Variants in CCDC88A observed in about 807,000 individuals in gnomAD.
CCDC88A encodes the protein girdin.
A neutral mutation model predicts 234.3 loss-of-function variants in CCDC88A; 54 were observed. That is an observed-to-expected ratio of 0.23 (90% CI 0.19 to 0.29). CCDC88A has a LOEUF of 0.29. CCDC88A is among the 10% of genes least tolerant of loss of function. The pLI, the probability that CCDC88A is intolerant of heterozygous loss-of-function variation, is 1.00. For synonymous variants in CCDC88A, 753 were observed against 737.8 expected, an observed-to-expected ratio of 1.02 and a Z score of -0.33; for missense variants, 1,832 against 2,123.4, an observed-to-expected ratio of 0.86 and a Z score of 2.70.
At chr2:55,393,155 C>A (rs1194749387) in intron 2 of CCDC88A, among the ~76,000 whole-genome samples, 1 of 151,672 alleles carries the variant, frequency 6.6e-6, no homozygotes, top group Non-Finnish European at 1.5e-5. Flanking sequence ...AGAACTCTTA[C>A]ATATTTAAGT....
At position 55,289,995 on chromosome 2, in the gene CCDC88A, T is replaced by C. The variant is rs1679334096; in HGVS notation, c.*1205A>G. The C allele has an allele frequency of 6.6e-6, 1 of 152,612 alleles. No individual in the cohort carries two copies. Among genetic ancestry groups the C allele is most frequent in the South Asian group, 2.1e-4 (1 of 4,836 alleles). 9.5% of individuals were successfully genotyped at this position (152,612 alleles called of 1,614,324 possible). ...AGATTACTCTGATATTGATGTTAAA[T>C]AATGAATTTGCATTAATGAGTATCA... On this transcript the variant is annotated 3_prime_UTR_variant, in exon 33 of 33. Transcript: ENST00000436346.
At chr2:55,402,148 T>C (rs1270414794) in intron 2 of CCDC88A, among the ~76,000 whole-genome samples, 1 of 152,010 alleles carries the variant, frequency 6.6e-6, no homozygotes, top group Admixed American at 6.5e-5. Flanking sequence ...CTATATTTAC[T>C]ATATTAAAAT....
At chr2:55,390,448 G>C (rs1574424660) in intron 2 of CCDC88A, among the ~76,000 whole-genome samples, 1 of 152,086 alleles carries the variant, frequency 6.6e-6, no homozygotes, top group Admixed American at 6.6e-5. Context: ...CCCCAACCTT[G>C]GATCAATTCA....
At chr2:55,304,290 C>A (rs1681263300) in intron 25 of CCDC88A, among the ~76,000 whole-genome samples, 1 of 152,020 alleles carries the variant, frequency 6.6e-6, no homozygotes, top group Non-Finnish European at 1.5e-5. Context: ...AGAAGGAGAC[C>A]CTCTCTCAAA....
intron 31 of CCDC88A, chr2:55,292,066 A>G (rs1188307135): frequency 8.9e-6 from 2 of 225,974 alleles, no homozygotes; most frequent in Admixed American, 5.7e-5. Flanking sequence ...ATGGTCACCT[A>G]CAGTCTTAAA....
At chr2:55,400,132 A>T (rs1678368816) in intron 2 of CCDC88A, among the ~76,000 whole-genome samples, 1 of 152,234 alleles carries the variant, frequency 6.6e-6, no homozygotes, top group African/African-American at 2.4e-5. Flanking sequence ...TTTAATACTT[A>T]AAATGCAAAA....
intron 5 of CCDC88A, among the ~76,000 whole-genome samples, chr2:55,369,054 A>G (rs750963300): frequency 4.3e-4 from 66 of 152,002 alleles, no homozygotes; most frequent in Non-Finnish European, 1.0e-4. Context: ...CTTTTTTTTG[A>G]GATGGAGTCT....
At chr2:55,356,540 G>C (rs1479707635) in intron 7 of CCDC88A, 1 of 151,888 alleles carries the variant, frequency 6.6e-6, no homozygotes, top group African/African-American at 2.4e-5. Context: ...ACACAGAAAA[G>C]AAATAAACCC....
chr2:55,349,734 T>TAA, intron 8 of CCDC88A, 135 bp from the exon 9 acceptor site: 9 of 135,612 alleles, frequency 6.6e-5, no homozygotes, highest in East Asian at 5.4e-4. Flanking sequence ...ATCTAGAAGA[T>TAA]AAAAAAAAAA....
chr2:55,311,982 C>A (rs917996046), intron 23 of CCDC88A, among the ~76,000 whole-genome samples: 1 of 152,062 alleles, frequency 6.6e-6, no homozygotes, highest in African/African-American at 2.4e-5. Flanking sequence ...GGTCCTATAC[C>A]ACACCACAAC....
At chr2:55,381,868 T>C (rs1374153106) in intron 3 of CCDC88A, among the ~76,000 whole-genome samples, 1 of 152,132 alleles carries the variant, frequency 6.6e-6, no homozygotes, top group African/African-American at 2.4e-5. Flanking sequence ...GAATTAAAAA[T>C]ATGTTCAAAG....
intron 13 of CCDC88A, chr2:55,337,777 T>G (rs981609090): frequency 6.6e-6 from 1 of 152,058 alleles, no homozygotes; most frequent in Non-Finnish European, 1.5e-5. Flanking sequence ...GAAGCAGAGG[T>G]TGCAGTGAGC....
intron 7 of CCDC88A, chr2:55,356,570 C>T (rs1670608460): frequency 6.6e-6 from 1 of 151,936 alleles, no homozygotes; most frequent in Non-Finnish European, 1.5e-5. Context: ...TTGGCCAGAA[C>T]TATGTTGTCC....
intron 18 of CCDC88A, 137 bp from the exon 19 acceptor site, chr2:55,319,141 G>GA (rs1397595447): frequency 1.2e-4 from 76 of 642,436 alleles, no homozygotes; most frequent in South Asian, 7.7e-4. Context: ...TCTTAAAAGA[G>GA]AAAAAAAACC....
chr2:55,380,285 G>C (rs1674382099), intron 3 of CCDC88A, among the ~76,000 whole-genome samples: 1 of 151,842 alleles, frequency 6.6e-6, no homozygotes, highest in Admixed American at 6.6e-5. Context: ...AAAGAGTATT[G>C]GTGGAGGTGG....
At position 55,334,124 on chromosome 2, in the gene CCDC88A, A is replaced by G; in HGVS notation, c.2697T>C (p.Ile899=). The G allele has an allele frequency of 7.6e-7, 1 of 1,324,308 alleles. No homozygotes were observed. The highest frequency in any genetic ancestry group is 9.7e-7 in the Non-Finnish European group (1 of 1,028,778). The allele number at this position is 1,324,308 out of a possible 1,614,324, so 82.0% of individuals were successfully genotyped here. ...ENKELVKRAT[I]DIKTLVTLRE... ...GTAGTGTAACCAACGTTTTTATATC[A>G]ATAGTTGCTCTTTTCACAAGCTCCT... Residue 899 remains isoleucine (I), a synonymous_variant, in exon 15 of 33, where the codon ATT becomes ATC. Coordinates refer to ENST00000436346, the MANE Select transcript of CCDC88A (RefSeq NM_001365480.1). The surrounding 1 kb of genome is among the most constrained non-coding windows in gnomAD (Gnocchi z 6.1).
At position 55,312,451 on chromosome 2, in the gene CCDC88A, A is replaced by G. The variant is rs760363368; in HGVS notation, c.4062T>C (p.Val1354=). The part of the protein sequence containing the change: ...QNMESKDLFH[V]EQRQYIDKLN... ...GTACCTACATGTACTGTCTTTGTTCAACATGAAAAAGATCCTTGCTTTCCA... is the reference window on the plus strand; with the variant it reads ...GTACCTACATGTACTGTCTTTGTTCGACATGAAAAAGATCCTTGCTTTCCA... The change falls in exon 23 of 33, where the codon GTT becomes GTC. Residue 1354 remains valine (V), a synonymous_variant. Coordinates refer to ENST00000436346, the MANE Select transcript of CCDC88A (RefSeq NM_001365480.1). The G allele has an allele frequency of 2.5e-6, 4 of 1,612,284 alleles. No individual in the cohort carries two copies. Among genetic ancestry groups the G allele is most frequent in the Non-Finnish European group, 3.4e-6 (4 of 1,179,340 alleles).
chr2:55,358,890 T>A (rs2902857), intron 7 of CCDC88A, among the ~76,000 whole-genome samples: 143 of 152,100 alleles, frequency 9.4e-4, no homozygotes, highest in African/African-American at 3.3e-3. Context: ...CTTCCCTATC[T>A]CTCTGTGAGT....
At chr2:55,352,451 C>T (rs978599044) in intron 8 of CCDC88A, among the ~76,000 whole-genome samples, 1 of 150,068 alleles carries the variant, frequency 6.7e-6, no homozygotes, top group Non-Finnish European at 1.5e-5. Context: ...CAAAAAAACA[C>T]AAAAAAACAA....
Sources: allele counts gnomAD v4.1 joint callset (sites outside exome capture counted in the v4.1 genomes callset), GRCh38; gene constraint gnomAD v4.1.1; non-coding constraint Gnocchi (gnomAD v3.1); transcripts MANE v1.5; gene names NCBI Gene and HGNC (gene_info 2026-07-23, HGNC 2026-07-21).